ERI3: variants seen among roughly 807,000 people sequenced by gnomAD.
ERI3 encodes the protein ERI1 exoribonuclease 3.
Under a neutral mutation model 44.4 loss-of-function variants are expected in ERI3, and 18 were observed. The observed-to-expected ratio is 0.41, with a 90% CI of 0.28 to 0.60. The LOEUF (loss-of-function observed/expected upper bound fraction) is 0.60, where lower values mean the gene tolerates loss of function less well. ERI3 is among the 20% of genes least tolerant of loss of function. The pLI, the probability that ERI3 is intolerant of heterozygous loss-of-function variation, is 0.36. For missense variants in ERI3, 294 were observed against 435.5 expected (o/e 0.68, Z 2.89); for synonymous variants, 183 against 164.8 (o/e 1.11, Z -0.84).
rs185840826 is a variant in ERI3, at chr1:44,241,411, G to A, written c.931+6528C>T. On this transcript the variant is annotated intron_variant, in intron 8 of 8. Coordinates refer to ENST00000372257, the MANE Select transcript of ERI3 (RefSeq NM_024066.3). This position sits in a 1 kb window ranked among gnomAD's most constrained non-coding sequence, Gnocchi z 5.6. ...GCCCAGTGCTTGGTGGGCACCGCAC[G>A]CCCTCACACACACTCAAACACATGC... Among the ~76,000 whole-genome samples, 54 of 152,078 alleles carry A rather than the reference G, an allele frequency of 3.6e-4. No individual in the cohort carries two copies. Among genetic ancestry groups the A allele is most frequent in the African/African-American group, 9.4e-4 (39 of 41,476 alleles).
intron 6 of ERI3, among the ~76,000 whole-genome samples, chr1:44,286,762 T>C (rs74841850): frequency 0.033 from 5,102 of 152,308 alleles, 112 homozygotes; most frequent in Middle Eastern, 0.051. Flanking sequence ...GTCCAAAGTA[T>C]GTCTTTAGAA....
chr1:44,283,129 G>C (rs1276244138), intron 7 of ERI3, among the ~76,000 whole-genome samples: 3 of 152,252 alleles, frequency 2.0e-5, no homozygotes, highest in Non-Finnish European at 2.9e-5. Context: ...AGCAGCCTCA[G>C]ATGTGCTCTG....
intron 8 of ERI3, among the ~76,000 whole-genome samples, chr1:44,237,067 C>T (rs868671308): frequency 5.3e-5 from 8 of 152,124 alleles, no homozygotes; most frequent in Non-Finnish European, 7.4e-5. Flanking sequence ...CTCAGGGGAG[C>T]GCCTGGCCCG....
chr1:44,253,881 C>T (rs2154318850), intron 7 of ERI3, among the ~76,000 whole-genome samples: 1 of 152,222 alleles, frequency 6.6e-6, no homozygotes, highest in Non-Finnish European at 1.5e-5. Context: ...TATATAACCA[C>T]ACAAGAGATC....
chr1:44,306,469 C>T (rs2154327374), intron 6 of ERI3, among the ~76,000 whole-genome samples: 1 of 152,180 alleles, frequency 6.6e-6, no homozygotes, highest in African/African-American at 2.4e-5. Context: ...GGTTGGGTTC[C>T]ACAACTCAAT....
At chr1:44,310,963 G>GCGCGCGCGCACACA (rs1373873768) in intron 5 of ERI3, among the ~76,000 whole-genome samples, 1 of 123,200 alleles carries the variant, frequency 8.1e-6, no homozygotes, top group Non-Finnish European at 1.7e-5. Context: ...GCGCGCGCGC[G>GCGCGCGCGCACACA]CACACACACA....
At chr1:44,227,712 G>A (rs1644079662) in intron 8 of ERI3, among the ~76,000 whole-genome samples, 1 of 152,146 alleles carries the variant, frequency 6.6e-6, no homozygotes, top group Non-Finnish European at 1.5e-5. Context: ...GAAGGAAGAT[G>A]AGGGCCAAGG....
chr1:44,352,640 T>C (rs1369574594), intron 2 of ERI3, among the ~76,000 whole-genome samples: 1 of 152,220 alleles, frequency 6.6e-6, no homozygotes, highest in Admixed American at 6.5e-5. Context: ...CCTCCAACTC[T>C]TACCACTTTA....
chr1:44,354,566 C>T (rs1244545662), intron 1 of ERI3: 12 of 985,292 alleles, frequency 1.2e-5, no homozygotes, highest in Non-Finnish European at 1.2e-5. Flanking sequence ...AAACTGCTAA[C>T]CTGGTGTGTG....
intron 3 of ERI3, among the ~76,000 whole-genome samples, chr1:44,324,476 CTTT>C (rs35475844): frequency 1.1e-5 from 1 of 90,432 alleles, no homozygotes; most frequent in Non-Finnish European, 2.1e-5. Context: ...AACATAGACT[CTTT>C]TTTTTTTTTT....
At chr1:44,275,731 G>T (rs1031382995) in intron 7 of ERI3, among the ~76,000 whole-genome samples, 18 of 152,142 alleles carry the variant, frequency 1.2e-4, no homozygotes, top group Admixed American at 7.9e-4. Flanking sequence ...ATATATCAGG[G>T]TCTGTTAAAT....
intron 3 of ERI3, among the ~76,000 whole-genome samples, chr1:44,320,654 AAC>A (rs914349171): frequency 7.9e-5 from 12 of 152,206 alleles, no homozygotes; most frequent in African/African-American, 2.4e-4. Flanking sequence ...AATATTCAAA[AAC>A]AGTTTGCAAA....
intron 8 of ERI3, among the ~76,000 whole-genome samples, chr1:44,234,037 T>C (rs1056961731): frequency 6.6e-6 from 1 of 152,156 alleles, no homozygotes; most frequent in African/African-American, 2.4e-5. Flanking sequence ...TCACTTTTCA[T>C]GCAATTCTCC....
intron 7 of ERI3, among the ~76,000 whole-genome samples, chr1:44,261,449 A>C (rs1318839921): frequency 6.6e-6 from 1 of 152,222 alleles, no homozygotes; most frequent in African/African-American, 2.4e-5. Context: ...TTCAACCTTC[A>C]CAGTGTGATA....
intron 6 of ERI3, among the ~76,000 whole-genome samples, chr1:44,304,751 T>C (rs886600695): frequency 2.6e-5 from 4 of 152,150 alleles, no homozygotes; most frequent in African/African-American, 4.8e-5. Context: ...CCAACAGTGA[T>C]AGTGTAATCT....
At chr1:44,272,743 A>G (rs1645111043) in intron 7 of ERI3, among the ~76,000 whole-genome samples, 1 of 152,058 alleles carries the variant, frequency 6.6e-6, no homozygotes, top group African/African-American at 2.4e-5. Flanking sequence ...CTGGCGGCTG[A>G]GCATGAGAAT....
intron 1 of ERI3, 196 bp downstream of exon 1, chr1:44,354,696 T>C: frequency 1.0e-6 from 1 of 985,366 alleles, no homozygotes; most frequent in Non-Finnish European, 1.2e-6. Context: ...ACCCCCTTAA[T>C]AAACTCACCC....
intron 6 of ERI3, among the ~76,000 whole-genome samples, chr1:44,296,423 G>C (rs755833095): frequency 7.2e-5 from 11 of 152,082 alleles, no homozygotes; most frequent in Non-Finnish European, 8.8e-5. Flanking sequence ...CATACACCAG[G>C]AACATTATTT....
chr1:44,348,424 AGGCATACTAAT>A (rs1646827293), intron 2 of ERI3, among the ~76,000 whole-genome samples: 1 of 152,226 alleles, frequency 6.6e-6, no homozygotes, highest in Non-Finnish European at 1.5e-5. Context: ...GGGTCTGAAC[AGGCATACTAAT>A]GGCCTCCTGA....
Sources: gnomAD v4.1 joint callset for allele counts (sites outside exome capture counted in the v4.1 genomes callset) on GRCh38, gnomAD v4.1.1 for gene constraint, Gnocchi (gnomAD v3.1) non-coding constraint, MANE v1.5 for transcripts, NCBI Gene and HGNC (gene_info 2026-07-23, HGNC 2026-07-21) for gene names.